Variants in RETREG1 observed in about 807,000 individuals in gnomAD.
The protein encoded by RETREG1 is family with sequence similarity 134 member B.
RETREG1 carries 44 observed loss-of-function variants against 54.8 expected under a neutral mutation model. The ratio of observed to expected loss-of-function variants is 0.80; its 90% CI spans 0.63 to 1.03. RETREG1 has a LOEUF of 1.03. Ranked by LOEUF, RETREG1 falls within the 50% of genes least tolerant of loss-of-function variation. RETREG1 has a pLI of 0.00. For missense variants in RETREG1, 554 were observed against 605.1 expected (o/e 0.92, Z 0.89); for synonymous variants, 217 against 238.5 (o/e 0.91, Z 0.83).
intron 1 of RETREG1, among the ~76,000 whole-genome samples, chr5:16,601,419 T>C (rs1368521319): frequency 6.6e-6 from 1 of 150,584 alleles, no homozygotes; most frequent in East Asian, 2.0e-4. Flanking sequence ...TTTTTTGAGA[T>C]GGAGTCTTGC....
At chr5:16,581,554 CACACACA>C (rs1742479383) in intron 1 of RETREG1, among the ~76,000 whole-genome samples, 1 of 148,950 alleles carries the variant, frequency 6.7e-6, no homozygotes, top group Non-Finnish European at 1.5e-5. Context: ...CACACACACA[CACACACA>C]CACAAAACAC....
chr5:16,597,280 T>A lies in RETREG1; in HGVS notation c.320+19372A>T, dbSNP rs537687113. Reference sequence around the variant, plus strand: ...CACCTACCTCCTCCAACAGTTGTTATGTATATGGAGTAAGAGACACTACAG... The same window carrying A: ...CACCTACCTCCTCCAACAGTTGTTAAGTATATGGAGTAAGAGACACTACAG... On this transcript the variant is annotated intron_variant, in intron 1 of 8. Transcript: ENST00000306320. The surrounding 1 kb of genome is among the most constrained non-coding windows in gnomAD (Gnocchi z 4.3). 6.6e-6 allele frequency among the ~76,000 whole-genome samples: 1 copy of A among 152,344 alleles called. No homozygotes were observed. Among genetic ancestry groups the A allele is most frequent in the African/African-American group, 2.4e-5 (1 of 41,584 alleles).
At chr5:16,606,252 T>C (rs1743188006) in intron 1 of RETREG1, among the ~76,000 whole-genome samples, 1 of 152,150 alleles carries the variant, frequency 6.6e-6, no homozygotes, top group Non-Finnish European at 1.5e-5. Flanking sequence ...GATCGCCACA[T>C]TGGCTGCTCC....
intron 3 of RETREG1, among the ~76,000 whole-genome samples, chr5:16,564,053 G>A (rs1475266753): frequency 6.6e-6 from 1 of 151,974 alleles, no homozygotes; most frequent in African/African-American, 2.4e-5. Context: ...AGTATTTCTT[G>A]TCTGCTCTAT....
chr5:16,493,819 CA>C (rs1176063912), intron 3 of RETREG1, among the ~76,000 whole-genome samples: 17 of 152,144 alleles, frequency 1.1e-4, no homozygotes, highest in African/African-American at 3.6e-4. Context: ...TGGTACCCAC[CA>C]CACTGGTCCT....
In RETREG1 at chr5:16,571,503, ATT is replaced by A. The variant is rs34220516; in HGVS notation, c.427+491_427+492del. The stretch of plus-strand genomic sequence containing the variant: ...ATTACCCAAAAAGCACCTCAGGCCA[ATT>A]TTTTTTTTTTTTAAACCAAGCTCTT... On this transcript the variant is annotated intron_variant, in intron 2 of 8. Transcript: ENST00000306320. 1.7e-3 allele frequency among the ~76,000 whole-genome samples: 248 copies of A among 148,606 alleles called. 1 individual carries two copies. Among genetic ancestry groups the A allele is most frequent in the African/African-American group, 3.8e-3 (153 of 40,484 alleles).
Position 16,474,667 on chromosome 5 carries a change from TC to T in RETREG1, c.*73del. The T allele has an allele frequency of 2.2e-5, 30 of 1,385,346 alleles. No individual in the cohort carries two copies. In the Middle Eastern group the frequency reaches 5.7e-4, roughly 26 times the overall value. The allele number at this position is 1,385,346 out of a possible 1,614,324, so 85.8% of individuals were successfully genotyped here. On this transcript the variant is annotated 3_prime_UTR_variant, in exon 9 of 9. Transcript: ENST00000306320. Reference sequence around the variant, plus strand: ...AGCTTACAGTTCAATTTTTTTCTTTTCCTTTTTTTTTTTTTTTTCTTGTTTG... The same window carrying T: ...AGCTTACAGTTCAATTTTTTTCTTTTCTTTTTTTTTTTTTTTTCTTGTTTG...
chr5:16,522,670 T>C (rs1415615266), intron 3 of RETREG1, among the ~76,000 whole-genome samples: 1 of 152,160 alleles, frequency 6.6e-6, no homozygotes, highest in Admixed American at 6.5e-5. Context: ...CCCTCTTCTA[T>C]GGACATACAC....
At chr5:16,613,526 C>G (rs1743409651) in intron 1 of RETREG1, among the ~76,000 whole-genome samples, 1 of 152,192 alleles carries the variant, frequency 6.6e-6, no homozygotes, top group South Asian at 2.1e-4. Context: ...GGCTGTGTCA[C>G]AATTTTTGCC....
intron 1 of RETREG1, among the ~76,000 whole-genome samples, chr5:16,598,540 T>C (rs1742965225): frequency 6.6e-6 from 1 of 152,202 alleles, no homozygotes; most frequent in South Asian, 2.1e-4. Flanking sequence ...CCAAACCACT[T>C]CTACTTAGCA....
At chr5:16,546,876 C>T (rs1741405116) in intron 3 of RETREG1, among the ~76,000 whole-genome samples, 1 of 152,196 alleles carries the variant, frequency 6.6e-6, no homozygotes, top group Admixed American at 6.5e-5. Flanking sequence ...ATTCTGGTGG[C>T]ACAGACTCTC....
intron 4 of RETREG1, among the ~76,000 whole-genome samples, chr5:16,482,680 C>G (rs1363446942): frequency 1.3e-5 from 2 of 152,048 alleles, no homozygotes; most frequent in Non-Finnish European, 2.9e-5. Flanking sequence ...CTGGAATAGA[C>G]AAGGTCTATT....
chr5:16,514,915 T>TATA, intron 3 of RETREG1, among the ~76,000 whole-genome samples: 1 of 124,066 alleles, frequency 8.1e-6, no homozygotes, highest in South Asian at 2.6e-4. Context: ...ATATATATAA[T>TATA]ATATATTATA....
intron 3 of RETREG1, among the ~76,000 whole-genome samples, chr5:16,547,858 C>T (rs1018955087): frequency 7.9e-5 from 12 of 152,038 alleles, no homozygotes; most frequent in African/African-American, 1.9e-4. Context: ...GTATTGAGTA[C>T]ATTCTTTGAA....
intron 3 of RETREG1, among the ~76,000 whole-genome samples, chr5:16,510,052 C>A (rs1309125214): frequency 6.6e-6 from 1 of 152,086 alleles, no homozygotes; most frequent in Non-Finnish European, 1.5e-5. Flanking sequence ...TCTGTGTATT[C>A]TGTTGTTATG....
chr5:16,553,808 C>T (rs912886168), intron 3 of RETREG1, among the ~76,000 whole-genome samples: 2 of 152,062 alleles, frequency 1.3e-5, no homozygotes, highest in African/African-American at 4.8e-5. Context: ...TCAGTATATT[C>T]AATATGATCA....
intron 3 of RETREG1, among the ~76,000 whole-genome samples, chr5:16,484,691 T>C (rs564197236): frequency 6.6e-6 from 1 of 152,308 alleles, no homozygotes; most frequent in African/African-American, 2.4e-5. Flanking sequence ...TACAATTCCT[T>C]TTTATAAAAA....
At chr5:16,615,641 C>T (rs1414796023) in intron 1 of RETREG1, among the ~76,000 whole-genome samples, 3 of 152,036 alleles carry the variant, frequency 2.0e-5, no homozygotes, top group African/African-American at 7.2e-5. Flanking sequence ...CAGGGACCTC[C>T]GACAAGATAC....
intron 7 of RETREG1, 61 bp downstream of exon 7, chr5:16,477,973 T>G (rs1213823971): frequency 7.3e-6 from 10 of 1,370,772 alleles, no homozygotes; most frequent in Non-Finnish European, 9.2e-6. Context: ...CAGCTTTGTA[T>G]GCATACATGC....
Sources: allele counts gnomAD v4.1 joint callset (sites outside exome capture counted in the v4.1 genomes callset), GRCh38; gene constraint gnomAD v4.1.1; non-coding constraint Gnocchi (gnomAD v3.1); transcripts MANE v1.5; gene names NCBI Gene and HGNC (gene_info 2026-07-23, HGNC 2026-07-21).